The following TASP1 variants were observed in gnomAD, a reference collection of about 807,000 sequenced individuals.
TASP1 encodes threonine aspartase 1.
In TASP1, 16 loss-of-function variants were observed where a neutral mutation model predicts 56.6. That is an observed-to-expected ratio of 0.28 (90% CI 0.19 to 0.43). The LOEUF (loss-of-function observed/expected upper bound fraction) is 0.43. Ranked by LOEUF, TASP1 falls within the 20% of genes least tolerant of loss-of-function variation. TASP1 has a pLI of 1.00. For missense variants in TASP1, 393 were observed against 511.6 expected, an observed-to-expected ratio of 0.77 and a Z score of 2.24; for synonymous variants, 179 against 184.2, an observed-to-expected ratio of 0.97 and a Z score of 0.23.
chr20:13,260,978 C>G, the TASP1 span, among the ~76,000 whole-genome samples: 2 of 152,154 alleles, frequency 1.3e-5, no homozygotes, highest in African/African-American at 2.4e-5. Flanking sequence ...CTGCTGCACA[C>G]GTCTCTCACC....
At chr20:13,265,542 C>T in the TASP1 span, among the ~76,000 whole-genome samples, 1 of 152,178 alleles carries the variant, frequency 6.6e-6, no homozygotes, top group Non-Finnish European at 1.5e-5. Flanking sequence ...TCATCGAAAG[C>T]TTCCTTGCTT....
intron 8 of TASP1, among the ~76,000 whole-genome samples, chr20:13,534,897 A>G (rs1374156762): frequency 6.6e-6 from 1 of 152,208 alleles, no homozygotes; most frequent in Admixed American, 6.5e-5. Flanking sequence ...TACTGGATAG[A>G]AACAATGATT....
chr20:13,292,472 T>C, the TASP1 span: 10 of 1,558,910 alleles, frequency 6.4e-6, no homozygotes, highest in Non-Finnish European at 8.7e-6. Context: ...TGGTAAGATT[T>C]TTTTCTTTTT....
chr20:13,220,917 G>A, the TASP1 span, among the ~76,000 whole-genome samples: 2 of 151,678 alleles, frequency 1.3e-5, no homozygotes, highest in Non-Finnish European at 2.9e-5. Flanking sequence ...GCCTCAGTGT[G>A]CACAAGGGCT....
chr20:13,385,816 C>T (rs1386457060), downstream of TASP1, among the ~76,000 whole-genome samples: 4 of 152,210 alleles, frequency 2.6e-5, no homozygotes, highest in Admixed American at 2.0e-4. Flanking sequence ...TCGGTATTAT[C>T]GCACCCAAGT....
chr20:13,498,110 A>C (rs563173764), intron 10 of TASP1, among the ~76,000 whole-genome samples: 2 of 152,298 alleles, frequency 1.3e-5, no homozygotes, highest in African/African-American at 2.4e-5. Context: ...ACAAAAATTG[A>C]CAAGAGGGAT....
At chr20:13,609,561 G>A (rs375739734) in intron 4 of TASP1, among the ~76,000 whole-genome samples, 13 of 151,950 alleles carry the variant, frequency 8.6e-5, no homozygotes, top group South Asian at 6.2e-4. Context: ...GGCGGTGGGC[G>A]CCTATAATCC....
chr20:13,528,311 C>G, intron 10 of TASP1, 122 bp downstream of exon 10: 2 of 567,542 alleles, frequency 3.5e-6, no homozygotes, highest in Non-Finnish European at 5.6e-6. Context: ...TACTGAAGAT[C>G]TTTCCCACAT....
chr20:13,109,469 C>T, the TASP1 span, among the ~76,000 whole-genome samples: 1 of 152,212 alleles, frequency 6.6e-6, no homozygotes, highest in African/African-American at 2.4e-5. Context: ...CTAGTACTTC[C>T]TCCAGATGGT....
chr20:13,143,215 G>T, the TASP1 span, among the ~76,000 whole-genome samples: 2 of 152,142 alleles, frequency 1.3e-5, no homozygotes, highest in Non-Finnish European at 2.9e-5. Context: ...TGTAGGTGCC[G>T]CAGGTCAGTT....
chr20:13,210,344 T>C, the TASP1 span, among the ~76,000 whole-genome samples: 4 of 152,200 alleles, frequency 2.6e-5, no homozygotes, highest in African/African-American at 9.6e-5. Context: ...ATATAAGCAC[T>C]CATTTGGCTG....
intron 12 of TASP1, among the ~76,000 whole-genome samples, chr20:13,420,790 TAA>T (rs1281988325): frequency 3.3e-5 from 5 of 152,148 alleles, no homozygotes; most frequent in Non-Finnish European, 7.4e-5. Context: ...CAGTACGGTT[TAA>T]GTCATTTTAC....
intron 4 of TASP1, among the ~76,000 whole-genome samples, chr20:13,605,802 T>C (rs2048126802): frequency 6.6e-6 from 1 of 152,232 alleles, no homozygotes. Flanking sequence ...AAGTAGCCAG[T>C]GCTCCTTTTA....
At chr20:13,539,219 G>A (rs546156183) in intron 8 of TASP1, among the ~76,000 whole-genome samples, 5 of 152,230 alleles carry the variant, frequency 3.3e-5, no homozygotes, top group Non-Finnish European at 7.4e-5. Context: ...TAGTCAAGAT[G>A]TCTATTCTTA....
intron 10 of TASP1, among the ~76,000 whole-genome samples, chr20:13,483,857 C>T (rs2043227150): frequency 6.6e-6 from 1 of 152,156 alleles, no homozygotes; most frequent in Non-Finnish European, 1.5e-5. Context: ...AAACTACCAT[C>T]AGAGTGAACA....
At chr20:13,156,947 A>G in the TASP1 span, among the ~76,000 whole-genome samples, 1 of 152,190 alleles carries the variant, frequency 6.6e-6, no homozygotes, top group Non-Finnish European at 1.5e-5. Context: ...CTGCTTCCAT[A>G]TTGCTATATT....
At chr20:13,349,749 A>G in the TASP1 span, among the ~76,000 whole-genome samples, 201 of 152,360 alleles carry the variant, frequency 1.3e-3, no homozygotes, top group African/African-American at 4.5e-3. Flanking sequence ...TTAATACATG[A>G]GTTTATCAAG....
At chr20:13,463,501 AAAAAACAGG>A (rs1328831395) in intron 11 of TASP1, among the ~76,000 whole-genome samples, 7 of 135,076 alleles carry the variant, frequency 5.2e-5, no homozygotes, top group Admixed American at 7.3e-5. Context: ...GCAACAAATA[AAAAAACAGG>A]CAAATTAGAT....
At chr20:13,313,667 T>G in the TASP1 span, among the ~76,000 whole-genome samples, 1 of 152,156 alleles carries the variant, frequency 6.6e-6, no homozygotes, top group African/African-American at 2.4e-5. Context: ...CCTTACCACA[T>G]CACTAAAGTC....
Sources: allele counts gnomAD v4.1 joint callset (sites outside exome capture counted in the v4.1 genomes callset), GRCh38; gene constraint gnomAD v4.1.1; transcripts MANE v1.5; gene names NCBI Gene and HGNC (gene_info 2026-07-23, HGNC 2026-07-21).